AFF2: variants seen among roughly 807,000 people sequenced by gnomAD.
AFF2 encodes the protein AF4/FMR2 family member 2.
Under a neutral mutation model 76.9 loss-of-function variants are expected in AFF2, and 14 were observed. The ratio of observed to expected loss-of-function variants is 0.18; its 90% CI spans 0.12 to 0.28. The LOEUF is 0.28. AFF2 is among the 10% of genes least tolerant of loss of function. The pLI is 1.00. For synonymous variants in AFF2, 398 were observed against 366.7 expected, an observed-to-expected ratio of 1.09 and a Z score of -0.98; for missense variants, 868 against 1,001.1, an observed-to-expected ratio of 0.87 and a Z score of 1.79.
At chrX:148,956,736 A>G in intron 11 of AFF2, 123 bp downstream of exon 11, 1 of 626,042 alleles carries the variant, frequency 1.6e-6, no homozygotes, top group Non-Finnish European at 2.4e-6. Flanking sequence ...GGCAAAGGTG[A>G]TGATGCTTTC....
At chrX:148,870,703 AG>A (rs1557277266) in intron 7 of AFF2, among the ~76,000 whole-genome samples, 1 of 112,510 alleles carries the variant, frequency 8.9e-6, no homozygotes, top group Non-Finnish European at 1.9e-5. Flanking sequence ...GTCACATTCA[AG>A]TTCTGCAGAC....
intron 1 of AFF2, among the ~76,000 whole-genome samples, chrX:148,642,155 A>G (rs782151916): frequency 8.9e-5 from 10 of 112,039 alleles, no homozygotes; most frequent in African/African-American, 2.9e-4. Flanking sequence ...TTTCATACTC[A>G]GGCCGGGGCT....
At chrX:148,872,328 A>G (rs1365114541) in intron 7 of AFF2, among the ~76,000 whole-genome samples, 4 of 111,221 alleles carry the variant, frequency 3.6e-5, no homozygotes, top group Non-Finnish European at 5.7e-5. Flanking sequence ...TTCAGTCTCT[A>G]CAGATTTGCC....
At chrX:148,727,958 G>A (rs1341644842) in intron 3 of AFF2, among the ~76,000 whole-genome samples, 1 of 112,253 alleles carries the variant, frequency 8.9e-6, no homozygotes, top group Non-Finnish European at 1.9e-5. Context: ...GTAATTGATG[G>A]TGTTGATGTC....
intron 19 of AFF2, among the ~76,000 whole-genome samples, chrX:148,984,512 A>G (rs4844078): frequency 0.26 from 28,435 of 110,793 alleles, 2,715 homozygotes; most frequent in Non-Finnish European, 0.27. Context: ...TCTCTTAGCC[A>G]CAGTCACAAC....
At chrX:148,589,142 G>A (rs2053497543) in intron 1 of AFF2, among the ~76,000 whole-genome samples, 1 of 110,846 alleles carries the variant, frequency 9.0e-6, no homozygotes, top group African/African-American at 3.3e-5. Flanking sequence ...GCAGTGAGAG[G>A]CATTTAACTG....
intron 3 of AFF2, among the ~76,000 whole-genome samples, chrX:148,695,036 G>A (rs1441103092): frequency 4.6e-5 from 5 of 109,797 alleles, no homozygotes; most frequent in Admixed American, 9.7e-5. Context: ...GGCTGGTCTC[G>A]AACTCCTGAC....
intron 4 of AFF2, among the ~76,000 whole-genome samples, chrX:148,810,249 C>T (rs1296170453): frequency 1.8e-5 from 2 of 112,062 alleles, no homozygotes; most frequent in Non-Finnish European, 3.8e-5. Flanking sequence ...TCTGGGATCT[C>T]AGCTCAATCT....
chrX:148,827,316 ACTC>A (rs1446905021), intron 4 of AFF2, among the ~76,000 whole-genome samples: 3 of 111,308 alleles, frequency 2.7e-5, no homozygotes, highest in Non-Finnish European at 5.7e-5. Flanking sequence ...GTTGTCATGA[ACTC>A]CTCATTACCA....
chrX:148,929,268 A>G (rs782502097), intron 9 of AFF2, among the ~76,000 whole-genome samples: 1 of 112,517 alleles, frequency 8.9e-6, no homozygotes, highest in African/African-American at 3.2e-5. Flanking sequence ...CTTTATTTCC[A>G]TCTGAGCAAT....
chrX:148,800,962 C>A (rs1463975119), intron 3 of AFF2, among the ~76,000 whole-genome samples: 1 of 112,041 alleles, frequency 8.9e-6, no homozygotes, highest in Non-Finnish European at 1.9e-5. Context: ...ATGAGTTAAT[C>A]GAGTTCTCTG....
chrX:148,957,877 C>T (rs1233408594), intron 11 of AFF2, among the ~76,000 whole-genome samples: 4 of 112,372 alleles, frequency 3.6e-5, no homozygotes, highest in Admixed American at 9.4e-5. Context: ...GTGCTTTGAA[C>T]GTGGTTCATT....
rs782591719 is a variant in AFF2 at position 148,744,956 on chromosome X, A to T, written c.1042-64920A>T. The stretch of plus-strand genomic sequence containing the variant: ...GGGAAGGATTCAATGAAGATTCAGG[A>T]TCCCTTAATATGTAGGACTTTGGCT... On this transcript the variant is annotated intron_variant, in intron 3 of 20. Transcript: ENST00000370460. Among the ~76,000 whole-genome samples, 4 of 111,217 alleles carry T rather than the reference A, an allele frequency of 3.6e-5. No homozygotes were observed. In the South Asian group the frequency reaches 1.5e-3, roughly 43 times the overall value.
chrX:148,513,420 T>G (rs1557233393), intron 1 of AFF2, among the ~76,000 whole-genome samples: 1 of 112,011 alleles, frequency 8.9e-6, no homozygotes, highest in African/African-American at 3.2e-5. Context: ...ATCACCATTA[T>G]TTCTGTCTTT....
chrX:148,894,280 C>T (rs1469342131), intron 8 of AFF2, among the ~76,000 whole-genome samples: 2 of 111,314 alleles, frequency 1.8e-5, no homozygotes, highest in African/African-American at 6.5e-5. Flanking sequence ...TAACTCTACC[C>T]CCTCCCCCCC....
At chrX:148,672,432 G>A (rs782796654) in intron 3 of AFF2, among the ~76,000 whole-genome samples, 2 of 112,104 alleles carry the variant, frequency 1.8e-5, no homozygotes, top group East Asian at 5.6e-4. Flanking sequence ...AAGGCACACA[G>A]CCAGCAAATG....
Position 148,839,894 on chromosome X carries a change from G to GGTGTGTGTGTGT in AFF2, c.1173+2192_1173+2203dup, listed in dbSNP as rs200060298. On this transcript the variant is annotated intron_variant, in intron 5 of 20. Coordinates refer to ENST00000370460, the MANE Select transcript of AFF2 (RefSeq NM_002025.4). ...TGTTTCCCCATCTGTGTTGGGGCAT[G>GGTGTGTGTGTGT]GTGTGTGTGTGTGTGTGTGTGTGTG... Among the ~76,000 whole-genome samples, 123 of 87,016 alleles carry GGTGTGTGTGTGT rather than the reference G, an allele frequency of 1.4e-3. 1 individual carries two copies. Among genetic ancestry groups the GGTGTGTGTGTGT allele is most frequent in the African/African-American group, 4.6e-3 (112 of 24,553 alleles). The allele number at this position is 87,016 out of a possible 115,157, so 75.6% of individuals were successfully genotyped here.
intron 1 of AFF2, among the ~76,000 whole-genome samples, chrX:148,574,943 G>GGTGT (rs781819721): frequency 0.015 from 1,426 of 95,633 alleles, 22 homozygotes; most frequent in African/African-American, 0.045. Context: ...ATAGTGCTGG[G>GGTGT]GTGTGTGTGT....
intron 16 of AFF2, among the ~76,000 whole-genome samples, chrX:148,974,406 A>G (rs972357555): frequency 8.1e-5 from 9 of 111,465 alleles, no homozygotes; most frequent in Non-Finnish European, 1.7e-4. Context: ...ATCACTTTTG[A>G]TTGATTGAGT....
Sources: gnomAD v4.1 joint callset for allele counts (sites outside exome capture counted in the v4.1 genomes callset) on GRCh38, gnomAD v4.1.1 for gene constraint, MANE v1.5 for transcripts, NCBI Gene and HGNC (gene_info 2026-07-23, HGNC 2026-07-21) for gene names.